EBF2: variants seen among roughly 807,000 people sequenced by gnomAD.
EBF2 encodes the protein transcription factor COE2.
In EBF2, 21 loss-of-function variants were observed where a neutral mutation model predicts 72.8. The observed-to-expected ratio is 0.29, with a 90% CI of 0.20 to 0.42. The LOEUF (loss-of-function observed/expected upper bound fraction) is 0.42. Among genes scored for constraint, EBF2 ranks in the 10% least tolerant of loss-of-function variants. The pLI is 1.00. For synonymous variants in EBF2, 299 were observed against 274.2 expected (o/e 1.09, Z -0.89); for missense variants, 637 against 731.2 (o/e 0.87, Z 1.49).
chr8:25,898,589 C>T (rs1802895198), intron 7 of EBF2, among the ~76,000 whole-genome samples: 1 of 152,150 alleles, frequency 6.6e-6, no homozygotes, highest in East Asian at 1.9e-4. Flanking sequence ...TCCATTGAAC[C>T]CATTACTTTT....
chr8:25,933,843 A>T (rs1360820123), intron 6 of EBF2, among the ~76,000 whole-genome samples: 2 of 152,226 alleles, frequency 1.3e-5, no homozygotes, highest in Admixed American at 6.5e-5. Flanking sequence ...ATACAGAGAG[A>T]GATAAGAGAC....
chr8:25,956,984 C>G (rs1585207677), intron 6 of EBF2, among the ~76,000 whole-genome samples: 1 of 152,356 alleles, frequency 6.6e-6, no homozygotes, highest in East Asian at 1.9e-4. Flanking sequence ...CATTGTGCAT[C>G]TACCAATATC....
chr8:26,025,826 G>A (rs1450521326), intron 6 of EBF2, among the ~76,000 whole-genome samples: 1 of 152,026 alleles, frequency 6.6e-6, no homozygotes, highest in Non-Finnish European at 1.5e-5. Flanking sequence ...ATAATCTGTG[G>A]TTTTTATTGA....
At chr8:25,971,104 G>T (rs945400172) in intron 6 of EBF2, among the ~76,000 whole-genome samples, 3 of 152,116 alleles carry the variant, frequency 2.0e-5, no homozygotes, top group African/African-American at 7.2e-5. Flanking sequence ...CAAAGTGCTG[G>T]GATTACAGGC....
chr8:26,034,139 C>T (rs993966621), intron 5 of EBF2, among the ~76,000 whole-genome samples: 1 of 152,222 alleles, frequency 6.6e-6, no homozygotes, highest in East Asian at 1.9e-4. Flanking sequence ...ATTTACATAA[C>T]ATCTTTCTCC....
chr8:26,019,331 G>C (rs966748851), intron 6 of EBF2, among the ~76,000 whole-genome samples: 1 of 151,398 alleles, frequency 6.6e-6, no homozygotes, highest in African/African-American at 2.4e-5. Context: ...GCATCCCCAA[G>C]AAGCAGGTCT....
At position 26,019,927 on chromosome 8, in the gene EBF2, C is replaced by G. The variant is rs978876003; in HGVS notation, c.551+13158G>C. On this transcript the variant is annotated intron_variant, in intron 6 of 15. Transcript: ENST00000520164. ...GTTGAGAAGTGGGGAGGCACAGCTC[C>G]ACCTTCTCTGCAGAGAAGGAATGTT... Among the ~76,000 whole-genome samples the G allele has an allele frequency of 2.9e-4, 44 of 152,136 alleles. 1 individual carries two copies. Among genetic ancestry groups the G allele is most frequent in the Non-Finnish European group, 5.7e-4 (39 of 68,022 alleles).
chr8:25,978,425 C>T (rs994390925), intron 6 of EBF2, among the ~76,000 whole-genome samples: 5 of 152,198 alleles, frequency 3.3e-5, no homozygotes, highest in Non-Finnish European at 7.3e-5. Flanking sequence ...CTGCGGATCT[C>T]CAAGTTGCTG....
intron 14 of EBF2, among the ~76,000 whole-genome samples, chr8:25,855,627 T>C (rs1269150183): frequency 3.9e-5 from 6 of 152,178 alleles, no homozygotes; most frequent in South Asian, 4.1e-4. Flanking sequence ...AGCAACTGAA[T>C]TGACAAAATG....
chr8:25,987,835 G>C (rs1307834175), intron 6 of EBF2, among the ~76,000 whole-genome samples: 1 of 151,998 alleles, frequency 6.6e-6, no homozygotes, highest in Non-Finnish European at 1.5e-5. Flanking sequence ...GTGGGCTCCA[G>C]GTAGTAGCTG....
At chr8:25,972,887 T>TTG (rs1554476909) in intron 6 of EBF2, among the ~76,000 whole-genome samples, 9,103 of 148,448 alleles carry the variant, frequency 0.061, 285 homozygotes, top group Middle Eastern at 0.11. Flanking sequence ...TTTTTTTTTT[T>TTG]GAAAATCACC....
chr8:25,910,355 C>A (rs1234048971), intron 6 of EBF2, among the ~76,000 whole-genome samples: 1 of 152,134 alleles, frequency 6.6e-6, no homozygotes, highest in Non-Finnish European at 1.5e-5. Context: ...CACACTGGCC[C>A]TCAACCACTC....
chr8:25,892,981 G>A lies in EBF2; in HGVS notation c.634-3112C>T, dbSNP rs149482039. On this transcript the variant is annotated intron_variant, in intron 7 of 15. Transcript: ENST00000520164. Reference sequence around the variant, plus strand: ...TCATAGTGGCAAACATTAAGATGGCGGCATCTATCACTCCCCGTAAGTGCT... The same window carrying A: ...TCATAGTGGCAAACATTAAGATGGCAGCATCTATCACTCCCCGTAAGTGCT... Among the ~76,000 whole-genome samples, 71 of 152,226 alleles carry A rather than the reference G, an allele frequency of 4.7e-4. 1 individual carries two copies. Among genetic ancestry groups the A allele is most frequent in the African/African-American group, 1.5e-3 (62 of 41,536 alleles).
At chr8:25,987,823 A>G (rs888504866) in intron 6 of EBF2, among the ~76,000 whole-genome samples, 1 of 151,024 alleles carries the variant, frequency 6.6e-6, no homozygotes, top group Admixed American at 6.6e-5. Flanking sequence ...TCAAGCATTC[A>G]TGTGGGCTCC....
rs563579777 is a variant in EBF2, at chr8:25,886,255, G to A, written c.1009+500C>T. 5.3e-5 allele frequency among the ~76,000 whole-genome samples: 8 copies of A among 152,292 alleles called. 1 individual carries two copies. The highest frequency in any genetic ancestry group is 1.7e-4 in the African/African-American group (7 of 41,562). On this transcript the variant is annotated intron_variant, in intron 10 of 15. Coordinates refer to ENST00000520164, the MANE Select transcript of EBF2 (RefSeq NM_022659.4). ...TTTCTAAACTTCCAAGTGGGGAAGG[G>A]ATCATGTCTTACGTGTCATCCATAC...
chr8:25,866,631 ATATAT>A (rs574959290), intron 10 of EBF2, among the ~76,000 whole-genome samples: 3,419 of 105,902 alleles, frequency 0.032, 145 homozygotes, highest in African/African-American at 0.14. Flanking sequence ...ATATATATAT[ATATAT>A]TTTTTTTTTT....
At position 26,040,101 on chromosome 8, in the gene EBF2, G is replaced by A. The variant is rs1160078404; in HGVS notation, c.409C>T (p.Pro137Ser). 1 of 1,613,788 alleles carries A rather than the reference G, an allele frequency of 6.2e-7. No homozygotes were observed. Among genetic ancestry groups the A allele is most frequent in the Non-Finnish European group, 8.5e-7 (1 of 1,179,838 alleles). The change falls in exon 5 of 16, where the codon CCC becomes TCC. Residue 137 changes from proline to serine, a missense_variant and splice_region_variant. Pro to Ser is a moderately conservative substitution (Grantham distance 74). Coordinates refer to ENST00000520164, the MANE Select transcript of EBF2 (RefSeq NM_022659.4). ...TTATTCTGTCCCTCGTAAGCGATGG[G>A]CTGTGAAGGAGGTAGTGGCAGGAAA... The part of the protein sequence containing the change: ...VRLIDSVTKQ[P>S]IAYEGQNKNP...
At chr8:26,014,806 AAC>A (rs996432651) in intron 6 of EBF2, among the ~76,000 whole-genome samples, 11 of 152,330 alleles carry the variant, frequency 7.2e-5, no homozygotes, top group African/African-American at 2.2e-4. Context: ...CACATGGGGA[AAC>A]AGTTTTCTCC....
chr8:25,951,728 G>C (rs992759550), intron 6 of EBF2, among the ~76,000 whole-genome samples: 1 of 152,034 alleles, frequency 6.6e-6, no homozygotes, highest in African/African-American at 2.4e-5. Context: ...GATGTCTTTT[G>C]GCTCCATATG....
Sources: allele counts gnomAD v4.1 joint callset (sites outside exome capture counted in the v4.1 genomes callset), GRCh38; gene constraint gnomAD v4.1.1; transcripts MANE v1.5; gene names NCBI Gene and HGNC (gene_info 2026-07-23, HGNC 2026-07-21).